Variants in TET2 observed in about 807,000 individuals in gnomAD.
TET2 encodes the protein methylcytosine dioxygenase TET2.
Under a neutral mutation model 142.9 loss-of-function variants are expected in TET2, and 299 were observed. The observed-to-expected ratio is 2.09, with a 90% CI of 1.90 to 2.30. The LOEUF is 2.30. Ranked by LOEUF, TET2 falls within the 30% of genes most tolerant of loss-of-function variation. TET2 has a pLI of 0.00. For synonymous variants in TET2, 819 were observed against 849.0 expected (o/e 0.96, Z 0.61); for missense variants, 2,418 against 2,378.0 (o/e 1.02, Z -0.35).
Position 105,150,570 on chromosome 4 carries a change from G to A in TET2, c.-193+3591G>A, listed in dbSNP as rs79862450. Among the ~76,000 whole-genome samples the A allele has an allele frequency of 5.9e-3, 904 of 152,278 alleles. 16 individuals are homozygous for A. In the East Asian group the frequency reaches 0.064, roughly 11 times the overall value. ...TCTTAAGGATAGTAATGGTACCAAA[G>A]CCAGCAGCAATAGAATATCTCCCAA... On this transcript the variant is annotated intron_variant, in intron 1 of 10. Transcript: ENST00000380013.
chr4:105,242,077 T>C, intron 4 of TET2: 1 of 1,212,778 alleles, frequency 8.2e-7, no homozygotes, highest in East Asian at 3.4e-5. Context: ...GTTCTTCTTC[T>C]AGGGTGCCTT....
chr4:105,267,309 A>G (rs1209810584), intron 8 of TET2, among the ~76,000 whole-genome samples: 1 of 152,122 alleles, frequency 6.6e-6, no homozygotes, highest in East Asian at 1.9e-4. Context: ...TAATGAAATG[A>G]ACAGTATCAA....
intron 2 of TET2, among the ~76,000 whole-genome samples, chr4:105,205,685 G>A (rs949868999): frequency 2.0e-5 from 3 of 151,990 alleles, no homozygotes; most frequent in African/African-American, 7.2e-5. Flanking sequence ...AGGCTGGAGT[G>A]CAATGGCAGG....
intron 3 of TET2, 168 bp from the exon 4 acceptor site, chr4:105,241,171 A>G: frequency 7.8e-7 from 1 of 1,279,802 alleles, no homozygotes; most frequent in Non-Finnish European, 1.0e-6. Flanking sequence ...ATTATGTGGC[A>G]CATTTTCTAA....
chr4:105,274,263 A>G (rs539913157), intron 10 of TET2, among the ~76,000 whole-genome samples: 35 of 152,346 alleles, frequency 2.3e-4, no homozygotes, highest in African/African-American at 7.9e-4. Flanking sequence ...CTTAACTCAT[A>G]TGACTTTTTA....
chr4:105,257,884 A>ATAAAG (rs1730219794), intron 6 of TET2, among the ~76,000 whole-genome samples: 2 of 152,164 alleles, frequency 1.3e-5, no homozygotes, highest in African/African-American at 4.8e-5. Context: ...TCCAAGTTAG[A>ATAAAG]TAAAGTAAAG....
Position 105,176,244 on chromosome 4 carries a change from A to G in TET2, c.-192-14116A>G, listed in dbSNP as rs1724787599. Among the ~76,000 whole-genome samples the G allele has an allele frequency of 1.3e-5, 2 of 152,172 alleles. 1 individual carries two copies. The highest frequency in any genetic ancestry group is 1.3e-4 in the Admixed American group (2 of 15,268). On this transcript the variant is annotated intron_variant, in intron 1 of 10. Coordinates refer to ENST00000380013, the MANE Select transcript of TET2 (RefSeq NM_001127208.3). ...CCTGCTAAGATCAAGAACAAGACAA[A>G]GGTGTCTCCTCTTACCACTTTGTTT...
At chr4:105,191,626 C>T (rs1396169766) in intron 2 of TET2, among the ~76,000 whole-genome samples, 1 of 152,100 alleles carries the variant, frequency 6.6e-6, no homozygotes, top group East Asian at 1.9e-4. Context: ...TAATCTCTGC[C>T]TTACTGCAGA....
chr4:105,213,629 T>C (rs1164035552), intron 2 of TET2, among the ~76,000 whole-genome samples: 1 of 152,222 alleles, frequency 6.6e-6, no homozygotes, highest in African/African-American at 2.4e-5. Context: ...CTTCTTTCAC[T>C]GCAAGTGAAG....
Position 105,259,682 on chromosome 4 carries a change from T to C in TET2, c.3867T>C (p.Cys1289=). The C allele has an allele frequency of 6.4e-7, 1 of 1,551,252 alleles. No individual in the cohort carries two copies. The highest frequency in any genetic ancestry group is 2.0e-5 in the Admixed American group (1 of 50,980). The change falls in exon 7 of 11, where the codon TGT becomes TGC. Residue 1289 remains cysteine (C), a synonymous_variant. Transcript: ENST00000380013. The part of the protein sequence containing the change: ...ETCGASFSFG[C]SWSMYYNGCK... The stretch of plus-strand genomic sequence containing the variant: ...GTGGTGCCTCCTTCTCTTTTGGTTG[T>C]TCATGGAGCATGTACTACAATGGAT...
chr4:105,257,566 G>T (rs906531719), intron 6 of TET2, among the ~76,000 whole-genome samples: 4 of 152,108 alleles, frequency 2.6e-5, no homozygotes, highest in Admixed American at 6.6e-5. Flanking sequence ...GCTATTTGCA[G>T]CTCTGGATTA....
At position 105,275,330 on chromosome 4, in the gene TET2, C is replaced by G; in HGVS notation, c.4820C>G (p.Ser1607Ter). 1 of 1,551,874 alleles carries G rather than the reference C, an allele frequency of 6.4e-7. No homozygotes were observed. The highest frequency in any genetic ancestry group is 8.7e-7 in the Non-Finnish European group (1 of 1,147,026). The change falls in exon 11 of 11, where the codon TCA becomes TGA. Residue 1607 changes from serine (S) to a stop codon, truncating the protein, a stop_gained. Transcript: ENST00000380013. LOFTEE classifies it low-confidence loss of function (END_TRUNC). ...TCCACCTCATCTCAAGCTGCAGGTT[C>G]ATATTTGAATTCTTCTAATCCCATG... ...FYSTSSQAAG[S>*]YLNSSNPMNP...
intron 2 of TET2, among the ~76,000 whole-genome samples, chr4:105,225,199 T>TGTGTGTGTGTGC (rs1728114501): frequency 6.6e-6 from 1 of 151,822 alleles, no homozygotes; most frequent in African/African-American, 2.4e-5. Context: ...TGTGTGTGTG[T>TGTGTGTGTGTGC]GTGTGTGTGT....
chr4:105,224,067 A>G (rs980117899), intron 2 of TET2, among the ~76,000 whole-genome samples: 2 of 152,120 alleles, frequency 1.3e-5, no homozygotes, highest in African/African-American at 4.8e-5. Flanking sequence ...AAATCTATAA[A>G]TTGACTCTTT....
rs140536755 is a variant in TET2 at position 105,247,079 on chromosome 4, T to C, written c.3803+3301T>C. On this transcript the variant is annotated intron_variant, in intron 6 of 10. Transcript: ENST00000380013. ...AAACATTTCAAGGAACTTTATATTATAAAAATTGTCAAACATAAAAGGAAA... is the reference window on the plus strand; with the variant it reads ...AAACATTTCAAGGAACTTTATATTACAAAAATTGTCAAACATAAAAGGAAA... Among the ~76,000 whole-genome samples the C allele has an allele frequency of 2.0e-3, 312 of 152,280 alleles. 2 individuals are homozygous for C. The highest frequency in any genetic ancestry group is 7.1e-3 in the African/African-American group (294 of 41,546).
intron 2 of TET2, among the ~76,000 whole-genome samples, chr4:105,200,126 T>C (rs569698253): frequency 1.3e-5 from 2 of 152,296 alleles, no homozygotes; most frequent in East Asian, 3.9e-4. Context: ...TACACTGTCT[T>C]CCACAATGGT....
chr4:105,258,735 A>G (rs966892728), intron 6 of TET2, among the ~76,000 whole-genome samples: 1 of 152,298 alleles, frequency 6.6e-6, no homozygotes, highest in African/African-American at 2.4e-5. Flanking sequence ...CACAATATAC[A>G]TACATTAATT....
chr4:105,150,603 T>G (rs1295927616), intron 1 of TET2, among the ~76,000 whole-genome samples: 1 of 152,186 alleles, frequency 6.6e-6, no homozygotes, highest in Non-Finnish European at 1.5e-5. Flanking sequence ...CAAGCCAACT[T>G]TACAATTGGA....
chr4:105,205,321 T>A (rs547631278), intron 2 of TET2, among the ~76,000 whole-genome samples: 1 of 152,334 alleles, frequency 6.6e-6, no homozygotes, highest in South Asian at 2.1e-4. Context: ...CTTAACTTCT[T>A]AATTTTAGCC....
Sources: allele counts gnomAD v4.1 joint callset (sites outside exome capture counted in the v4.1 genomes callset), GRCh38; gene constraint gnomAD v4.1.1; transcripts MANE v1.5; gene names NCBI Gene and HGNC (gene_info 2026-07-23, HGNC 2026-07-21).